CAB39L: variants seen among roughly 807,000 people sequenced by gnomAD.
The protein encoded by CAB39L is calcium binding protein 39 like.
A neutral mutation model predicts 39.1 loss-of-function variants in CAB39L; 23 were observed. The observed-to-expected ratio is 0.59, with a 90% confidence interval of 0.42 to 0.83. The LOEUF (loss-of-function observed/expected upper bound fraction) is 0.83, where lower values mean the gene tolerates loss of function less well. CAB39L is among the 40% of genes least tolerant of loss of function. CAB39L has a pLI of 0.00. For synonymous variants in CAB39L, 126 were observed against 137.2 expected (o/e 0.92, Z 0.57); for missense variants, 366 against 391.9 (o/e 0.93, Z 0.56).
rs1400147523 is a variant in CAB39L, at chr13:49,310,449, C to T, written c.*365G>A. The T allele has an allele frequency of 5.4e-6, 1 of 183,860 alleles. No homozygotes were observed. Among genetic ancestry groups the T allele is most frequent in the Non-Finnish European group, 1.1e-5 (1 of 87,594 alleles). 11.4% of individuals were successfully genotyped at this position (183,860 alleles called of 1,614,324 possible). ...GCAAAGCATTTTTGCACCCTGGCCC[C>T]ATTCCCAGTTCTCCCCTGAGAACTC... is the stretch of plus-strand genomic sequence containing the variant. On this transcript the variant is annotated 3_prime_UTR_variant, in exon 11 of 11. Transcript: ENST00000409308.
At chr13:49,382,347 T>C (rs934828788) in intron 4 of CAB39L, among the ~76,000 whole-genome samples, 1 of 152,144 alleles carries the variant, frequency 6.6e-6, no homozygotes, top group Non-Finnish European at 1.5e-5. Context: ...AATCTTGCCA[T>C]AAACTTTAGA....
chr13:49,441,219 G>GTATATATATATATATATA (rs1259284077), intron 1 of CAB39L, among the ~76,000 whole-genome samples: 9 of 99,666 alleles, frequency 9.0e-5, no homozygotes, highest in African/African-American at 7.7e-4. Flanking sequence ...TAATGATTTA[G>GTATATATATATATATATA]TGTATATATA....
At chr13:49,371,365 T>C (rs7998999) in intron 5 of CAB39L, among the ~76,000 whole-genome samples, 31,792 of 152,052 alleles carry the variant, frequency 0.21, 3,606 homozygotes, top group African/African-American at 0.28. Flanking sequence ...AATTTTTGTA[T>C]TTTTAGTACA....
intron 5 of CAB39L, among the ~76,000 whole-genome samples, chr13:49,371,327 A>G (rs899282983): frequency 5.9e-5 from 9 of 152,008 alleles, no homozygotes; most frequent in Non-Finnish European, 1.3e-4. Flanking sequence ...AGCTAGGATT[A>G]CAGGTGCATG....
chr13:49,368,683 T>C (rs1955833688), intron 5 of CAB39L, among the ~76,000 whole-genome samples: 1 of 152,224 alleles, frequency 6.6e-6, no homozygotes. Context: ...GAAGAAGCCC[T>C]TGTGTTTGCT....
chr13:49,443,741 CCACCACCACAACCAT>C (rs1272759360), intron 1 of CAB39L, among the ~76,000 whole-genome samples: 1 of 152,100 alleles, frequency 6.6e-6, no homozygotes, highest in African/African-American at 2.4e-5. Flanking sequence ...CCTACTATTA[CCACCACCACAACCAT>C]CACCACCACC....
chr13:49,390,599 T>C (rs1956467687), intron 3 of CAB39L, among the ~76,000 whole-genome samples: 1 of 152,176 alleles, frequency 6.6e-6, no homozygotes, highest in Non-Finnish European at 1.5e-5. Flanking sequence ...AAAAATTATA[T>C]TATATTTATA....
intron 9 of CAB39L, among the ~76,000 whole-genome samples, chr13:49,337,622 C>T (rs771988312): frequency 3.9e-5 from 6 of 152,102 alleles, no homozygotes; most frequent in Non-Finnish European, 7.4e-5. Context: ...ACAACACACA[C>T]ATACACACAA....
At chr13:49,339,800 G>C in intron 8 of CAB39L, 58 bp from the exon 9 acceptor site, 2 of 1,400,506 alleles carry the variant, frequency 1.4e-6, no homozygotes, top group Non-Finnish European at 1.9e-6. Flanking sequence ...CTCCGTATTA[G>C]GCTGGCTTGC....
chr13:49,342,182 G>C (rs1320833163), intron 8 of CAB39L, among the ~76,000 whole-genome samples: 1 of 152,128 alleles, frequency 6.6e-6, no homozygotes, highest in Non-Finnish European at 1.5e-5. Flanking sequence ...AAATGATTCA[G>C]AGACTCCTTG....
At position 49,324,157 on chromosome 13, in the gene CAB39L, C is replaced by CA. The variant is rs533783468; in HGVS notation, c.834+7789dup. Among the ~76,000 whole-genome samples the CA allele has an allele frequency of 7.3e-3, 1,065 of 146,670 alleles. 13 individuals are homozygous for CA. Among genetic ancestry groups the CA allele is most frequent in the East Asian group, 0.047 (234 of 5,022 alleles). ...TGAAACCCCATCTCTACTAAAAATA[C>CA]AAAAAAAAAATTAGCCAGGTGTGGT... On this transcript the variant is annotated intron_variant, in intron 10 of 10. Transcript: ENST00000409308.
At chr13:49,317,922 C>G (rs1382100659) in intron 10 of CAB39L, among the ~76,000 whole-genome samples, 2 of 151,976 alleles carry the variant, frequency 1.3e-5, no homozygotes, top group Non-Finnish European at 2.9e-5. Context: ...ACAACAACAA[C>G]AGAAAACCCA....
In CAB39L at chr13:49,373,383, T is replaced by G. The variant is rs75039513; in HGVS notation, c.276+3584A>C. On this transcript the variant is annotated intron_variant, in intron 5 of 10. Coordinates refer to ENST00000409308, the MANE Select transcript of CAB39L (RefSeq NM_001079670.3). ...AACAAAAATTCACTTTTTTTCTCTG[T>G]AAGGAATGTGCCATTCTCCTAGGTT... is the stretch of plus-strand genomic sequence containing the variant. Among the ~76,000 whole-genome samples, 457 of 152,340 alleles carry G rather than the reference T, an allele frequency of 3.0e-3. 5 individuals carry two copies. In the East Asian group the frequency reaches 0.032, roughly 11 times the overall value.
At chr13:49,435,751 T>C (rs866595520) in intron 1 of CAB39L, among the ~76,000 whole-genome samples, 23 of 152,220 alleles carry the variant, frequency 1.5e-4, no homozygotes, top group Admixed American at 2.6e-4. Context: ...TCTGCCCACC[T>C]TGGCCTCCCA....
Position 49,346,120 on chromosome 13 carries a change from T to TATC in CAB39L, c.565-1883_565-1882insGAT, listed in dbSNP as rs1555254628. ...TGCTAGATATATATATATATATATA[T>TATC]ATATCATGGATACAGCCAATAAACA... is the stretch of plus-strand genomic sequence containing the variant. On this transcript the variant is annotated intron_variant, in intron 7 of 10. Coordinates refer to ENST00000409308, the MANE Select transcript of CAB39L (RefSeq NM_001079670.3). Among the ~76,000 whole-genome samples the TATC allele has an allele frequency of 4.2e-4, 37 of 88,472 alleles. 4 individuals carry two copies. Among genetic ancestry groups the TATC allele is most frequent in the African/African-American group, 8.5e-4 (19 of 22,438 alleles). 58.0% of individuals were successfully genotyped at this position (88,472 alleles called of 152,430 possible).
At chr13:49,346,120 T>TGCTAG (rs1555254625) in intron 7 of CAB39L, among the ~76,000 whole-genome samples, 4 of 88,472 alleles carry the variant, frequency 4.5e-5, no homozygotes, top group Admixed American at 1.3e-4. Flanking sequence ...TATATATATA[T>TGCTAG]ATATCATGGA....
intron 3 of CAB39L, among the ~76,000 whole-genome samples, chr13:49,423,752 G>C (rs1957206194): frequency 6.6e-6 from 1 of 151,994 alleles, no homozygotes; most frequent in Non-Finnish European, 1.5e-5. Flanking sequence ...CTATATACCA[G>C]GTACAACACA....
At chr13:49,384,375 C>A (rs1410899262) in intron 3 of CAB39L, among the ~76,000 whole-genome samples, 1 of 152,188 alleles carries the variant, frequency 6.6e-6, no homozygotes, top group East Asian at 1.9e-4. Context: ...ACTTCCTCCA[C>A]TGAAGTCTTG....
intron 10 of CAB39L, among the ~76,000 whole-genome samples, chr13:49,325,596 C>T (rs764621193): frequency 9.2e-5 from 14 of 151,994 alleles, no homozygotes; most frequent in Admixed American, 3.3e-4. Context: ...TGAGACCAGC[C>T]GGGCCAACAT....
Sources: gnomAD v4.1 joint callset for allele counts (sites outside exome capture counted in the v4.1 genomes callset) on GRCh38, gnomAD v4.1.1 for gene constraint, MANE v1.5 for transcripts, NCBI Gene and HGNC (gene_info 2026-07-23, HGNC 2026-07-21) for gene names.